Variants in SASH1 observed in about 807,000 individuals in gnomAD.
SASH1 encodes the protein SAM and SH3 domain containing 1.
In SASH1, 44 loss-of-function variants were observed where a neutral mutation model predicts 125.2. That is an observed-to-expected ratio of 0.35 (90% CI 0.28 to 0.45). The LOEUF is 0.45. SASH1 is among the 20% of genes least tolerant of loss of function. The pLI is 1.00. For missense variants in SASH1, 1,426 were observed against 1,614.5 expected (o/e 0.88, Z 2.00); for synonymous variants, 639 against 649.1 (o/e 0.98, Z 0.24).
chr6:148,314,815 G>A (rs1780438606), intron 1 of SASH1, among the ~76,000 whole-genome samples: 1 of 149,884 alleles, frequency 6.7e-6, no homozygotes. Flanking sequence ...GGAGTGCAGT[G>A]CCGCGATCTT....
chr6:148,498,159 G>A (rs1003926242), intron 8 of SASH1, among the ~76,000 whole-genome samples: 5 of 151,764 alleles, frequency 3.3e-5, no homozygotes, highest in Non-Finnish European at 7.4e-5. Flanking sequence ...CAAGGTGGGT[G>A]GATTGCCTGA....
intron 1 of SASH1, among the ~76,000 whole-genome samples, chr6:148,285,057 CG>C (rs1779446536): frequency 6.6e-6 from 1 of 152,190 alleles, no homozygotes; most frequent in Non-Finnish European, 1.5e-5. Context: ...AATGCCACTC[CG>C]GACCTCTCCC....
chr6:148,393,725 C>T (rs1451311963), intron 2 of SASH1: 21 of 985,154 alleles, frequency 2.1e-5, no homozygotes, highest in East Asian at 1.1e-4. Flanking sequence ...GGGGAGAAAA[C>T]ACCACATGAG....
chr6:148,504,908 A>G (rs901471003), intron 8 of SASH1, among the ~76,000 whole-genome samples: 2 of 152,092 alleles, frequency 1.3e-5, no homozygotes, highest in Admixed American at 6.5e-5. Context: ...TCTCTCTCCC[A>G]TCCTCTTAGG....
At chr6:148,317,054 G>A (rs1780495876) in intron 1 of SASH1, among the ~76,000 whole-genome samples, 1 of 152,192 alleles carries the variant, frequency 6.6e-6, no homozygotes, top group Non-Finnish European at 1.5e-5. Flanking sequence ...AAGGAATCAG[G>A]AGAAATAGCC....
chr6:148,194,782 T>C, the SASH1 span, among the ~76,000 whole-genome samples: 1 of 152,206 alleles, frequency 6.6e-6, no homozygotes, highest in African/African-American at 2.4e-5. Context: ...GGCGGGCTCC[T>C]GTAGTCCCAG....
At chr6:148,455,432 T>C (rs2115056796) in intron 4 of SASH1, among the ~76,000 whole-genome samples, 1 of 152,290 alleles carries the variant, frequency 6.6e-6, no homozygotes, top group African/African-American at 2.4e-5. Context: ...CTTGGAAAGC[T>C]TCCCGGTGTC....
At chr6:148,326,375 C>CT (rs1562326335) in intron 1 of SASH1, among the ~76,000 whole-genome samples, 17 of 12,386 alleles carry the variant, frequency 1.4e-3, no homozygotes, top group East Asian at 6.0e-3. Flanking sequence ...TATATATATA[C>CT]ATTCTTTTCT....
chr6:148,508,907 G>T, intron 8 of SASH1: 2 of 1,205,852 alleles, frequency 1.7e-6, no homozygotes, highest in Non-Finnish European at 2.2e-6. Context: ...CAATGGGAAA[G>T]AAAGAATGTG....
chr6:148,461,594 TACACCAAATCA>T (rs1777612100), intron 4 of SASH1, among the ~76,000 whole-genome samples: 1 of 152,166 alleles, frequency 6.6e-6, no homozygotes, highest in Non-Finnish European at 1.5e-5. Context: ...GAGAGAATCT[TACACCAAATCA>T]ACACCAAATC....
In SASH1 at chr6:148,532,887, G is replaced by A. The variant is rs201234514; in HGVS notation, c.1655G>A (p.Arg552Gln). Residue 552 changes from arginine (R) to glutamine (Q), a missense_variant, in exon 14 of 20, where the codon CGA becomes CAA. Arg to Gln is a conservative substitution (Grantham distance 43). This residue lies in a region of SASH1 where 225 missense variants were observed against 344.5 expected (regional missense o/e 0.65). Coordinates refer to ENST00000367467, the MANE Select transcript of SASH1 (RefSeq NM_015278.5). The surrounding 1 kb of genome is among the most constrained non-coding windows in gnomAD (Gnocchi z 4.7). ...EDGDDEEPPY[R>Q]GPFCGRARVH... ...GGGGATGACGAAGAGCCGCCTTACC[G>A]AGGCCCGTTCTGCGGGCGTGCCAGG... 121 of 1,614,084 alleles carry A rather than the reference G, an allele frequency of 7.5e-5. No homozygotes were observed. The highest frequency in any genetic ancestry group is 7.7e-5 in the South Asian group (7 of 91,094).
chr6:148,465,948 C>T (rs76720543), intron 4 of SASH1, among the ~76,000 whole-genome samples: 8,085 of 152,176 alleles, frequency 0.053, 310 homozygotes, highest in African/African-American at 0.11. Flanking sequence ...TGTCTCCCTC[C>T]GTCTCTAACC....
chr6:148,478,322 C>T (rs932045015), intron 7 of SASH1, among the ~76,000 whole-genome samples: 1 of 152,134 alleles, frequency 6.6e-6, no homozygotes, highest in Non-Finnish European at 1.5e-5. Flanking sequence ...GGTACATATA[C>T]ACGGTGGAAC....
At chr6:148,409,031 C>T (rs1267228521) in intron 2 of SASH1, among the ~76,000 whole-genome samples, 1 of 152,236 alleles carries the variant, frequency 6.6e-6, no homozygotes, top group Non-Finnish European at 1.5e-5. Flanking sequence ...TCTAATGCCG[C>T]TTTCTCTGCA....
intron 4 of SASH1, among the ~76,000 whole-genome samples, chr6:148,467,194 T>C (rs1777883337): frequency 6.8e-6 from 1 of 146,378 alleles, no homozygotes; most frequent in Non-Finnish European, 1.5e-5. Flanking sequence ...CCTCCCAGAT[T>C]CAAGCAATTC....
chr6:148,472,563 T>G (rs1778168476), intron 6 of SASH1, among the ~76,000 whole-genome samples: 2 of 151,766 alleles, frequency 1.3e-5, no homozygotes. Flanking sequence ...CCCAACCAAC[T>G]CCCCATCACC....
chr6:148,275,425 A>G (rs1332708115), intron 1 of SASH1, among the ~76,000 whole-genome samples: 1 of 152,046 alleles, frequency 6.6e-6, no homozygotes, highest in Non-Finnish European at 1.5e-5. Context: ...TCTTTTGCCT[A>G]GACTGTCTTA....
upstream of SASH1, among the ~76,000 whole-genome samples, chr6:148,340,002 C>T (rs1335082479): frequency 6.6e-6 from 1 of 152,126 alleles, no homozygotes; most frequent in Non-Finnish European, 1.5e-5. Context: ...AATGCTTTGC[C>T]CCAGGTCATC....
chr6:148,193,940 A>G, the SASH1 span, among the ~76,000 whole-genome samples: 3 of 152,222 alleles, frequency 2.0e-5, no homozygotes, highest in Admixed American at 2.0e-4. Flanking sequence ...GATTTTTAAC[A>G]TAAATGAAGC....
Sources: allele counts gnomAD v4.1 joint callset (sites outside exome capture counted in the v4.1 genomes callset), GRCh38; gene constraint gnomAD v4.1.1; regional missense constraint gnomAD v4.1.1; non-coding constraint Gnocchi (gnomAD v3.1); transcripts MANE v1.5; gene names NCBI Gene and HGNC (gene_info 2026-07-23, HGNC 2026-07-21).